The following SYTL3 variants were observed in gnomAD, a reference collection of about 807,000 sequenced individuals.
The protein encoded by SYTL3 is synaptotagmin-like protein 3.
Under a neutral mutation model 82.1 loss-of-function variants are expected in SYTL3, and 88 were observed. The ratio of observed to expected loss-of-function variants is 1.07; its 90% CI spans 0.90 to 1.28. SYTL3 has a LOEUF of 1.28. Ranked by LOEUF, SYTL3 falls within the 50% of genes most tolerant of loss-of-function variation. The probability of loss-of-function intolerance (pLI) is 0.00; values close to 1 mark genes in which losing one functional copy is unlikely to be tolerated. For missense variants in SYTL3, 831 were observed against 757.6 expected (o/e 1.10, Z -1.14); for synonymous variants, 311 against 289.4 (o/e 1.07, Z -0.76).
At chr6:158,703,251 G>A (rs552800134) in intron 6 of SYTL3, among the ~76,000 whole-genome samples, 123 of 151,846 alleles carry the variant, frequency 8.1e-4, no homozygotes, top group African/African-American at 2.9e-3. Context: ...TGGCAGACAC[G>A]GCTGCCAACC....
rs1240161801 is a variant in SYTL3, at chr6:158,707,236, A to C, written c.401A>C (p.His134Pro). The change falls in exon 7 of 18, where the codon CAT (histidine) becomes CCT (proline). Residue 134 changes from histidine to proline, a missense_variant. Coordinates refer to ENST00000611299, the MANE Select transcript of SYTL3 (RefSeq NM_001242394.2). Reference protein sequence around the residue: ...RAKKFPTGGKHETVGGQLLQS... With the variant: ...RAKKFPTGGKPETVGGQLLQS... The stretch of plus-strand genomic sequence containing the variant: ...CTATGGATATCTCTCGCAGGCAAAC[A>C]TGAGACAGTTGGAGGGCAGCTCTTG... 1 of 1,613,984 alleles carries C rather than the reference A, an allele frequency of 6.2e-7. No individual in the cohort carries two copies. The highest frequency in any genetic ancestry group is 1.7e-5 in the Admixed American group (1 of 60,026).
rs1784610746 is a variant in SYTL3 at position 158,725,500 on chromosome 6, CAGA to C, written c.721_723del (p.Lys241del). On this transcript the variant is annotated splice_acceptor_variant and coding_sequence_variant, in exon 11 of 18. Coordinates refer to ENST00000611299, the MANE Select transcript of SYTL3 (RefSeq NM_001242394.2). LOFTEE classifies it high-confidence loss of function. ...ATATTAATTTCTGTTTTTCCTTCTC[CAGA>C]AGGTCAGTGCACCAGATATTCTGAA... 3 of 1,612,528 alleles carry C rather than the reference CAGA, an allele frequency of 1.9e-6. No homozygotes were observed. The African/African-American group carries it at 4.0e-5, about 22-fold the overall frequency.
chr6:158,760,981 G>A (rs558286720), intron 15 of SYTL3, among the ~76,000 whole-genome samples: 2 of 152,110 alleles, frequency 1.3e-5, no homozygotes, highest in Admixed American at 6.5e-5. Context: ...CCCTCTCTAC[G>A]CTCCTCTAAG....
At chr6:158,737,537 T>G (rs1274910512) in intron 11 of SYTL3, among the ~76,000 whole-genome samples, 1 of 152,222 alleles carries the variant, frequency 6.6e-6, no homozygotes, top group African/African-American at 2.4e-5. Flanking sequence ...GCCTTGAGTT[T>G]TTCCTTTGCC....
At chr6:158,689,182 TGGC>T (rs1264717593) in intron 6 of SYTL3, among the ~76,000 whole-genome samples, 2 of 152,240 alleles carry the variant, frequency 1.3e-5, no homozygotes, top group African/African-American at 4.8e-5. Context: ...GATATCTTTT[TGGC>T]ACATCTCTGA....
chr6:158,723,148 G>A (rs936369123), intron 10 of SYTL3, among the ~76,000 whole-genome samples: 7 of 139,918 alleles, frequency 5.0e-5, no homozygotes, highest in African/African-American at 1.9e-4. Flanking sequence ...AGGCTGGAGT[G>A]CAGTGTCATG....
At chr6:158,737,277 C>T (rs118002511) in intron 11 of SYTL3, among the ~76,000 whole-genome samples, 1,971 of 152,318 alleles carry the variant, frequency 0.013, 18 homozygotes, top group Non-Finnish European at 0.02. Context: ...CAAGATCACA[C>T]AGCCACTAAG....
intron 11 of SYTL3, among the ~76,000 whole-genome samples, chr6:158,729,869 G>GT (rs201402477): frequency 8.5e-4 from 110 of 129,816 alleles, no homozygotes; most frequent in African/African-American, 1.1e-3. Flanking sequence ...CCCGGCCAAC[G>GT]TTTTTTTTTT....
intron 6 of SYTL3, among the ~76,000 whole-genome samples, chr6:158,699,414 G>A (rs1170593670): frequency 6.6e-6 from 1 of 152,144 alleles, no homozygotes; most frequent in Non-Finnish European, 1.5e-5. Context: ...GATTTGTATC[G>A]GTAGCTGAAA....
intron 5 of SYTL3, among the ~76,000 whole-genome samples, chr6:158,671,036 T>C (rs985019337): frequency 1.4e-4 from 22 of 151,962 alleles, no homozygotes; most frequent in African/African-American, 5.1e-4. Context: ...GATCTCCTGA[T>C]CTAGTGTTCC....
intron 6 of SYTL3, among the ~76,000 whole-genome samples, chr6:158,689,282 A>G (rs534322772): frequency 2.6e-5 from 4 of 151,358 alleles, no homozygotes; most frequent in Non-Finnish European, 5.9e-5. Flanking sequence ...ATAAACCAAC[A>G]TGCAAACCAA....
rs1016879230 is a variant in SYTL3 at position 158,716,659 on chromosome 6, A to G, written c.596-1428A>G. ...CCCCAGCCGTTCCCTCTTTAGATGA[A>G]AGAGATACTGCAAGACTCATTCTTG... is the stretch of plus-strand genomic sequence containing the variant. On this transcript the variant is annotated intron_variant, in intron 9 of 17. Transcript: ENST00000611299. Among the ~76,000 whole-genome samples the G allele has an allele frequency of 6.5e-4, 99 of 152,176 alleles. 1 individual carries two copies. Among genetic ancestry groups the G allele is most frequent in the Non-Finnish European group, 1.4e-3 (93 of 68,034 alleles).
At chr6:158,743,144 G>T (rs1787152691) in intron 11 of SYTL3, among the ~76,000 whole-genome samples, 1 of 152,108 alleles carries the variant, frequency 6.6e-6, no homozygotes, top group Non-Finnish European at 1.5e-5. Context: ...CCAGCCCTTG[G>T]ACGTGCAGCG....
At chr6:158,761,481 T>C (rs1359187334) in intron 15 of SYTL3, among the ~76,000 whole-genome samples, 1 of 151,882 alleles carries the variant, frequency 6.6e-6, no homozygotes, top group East Asian at 1.9e-4. Context: ...TTTTTGTTTT[T>C]TTTCTTTAAG....
upstream of SYTL3, among the ~76,000 whole-genome samples, chr6:158,646,896 C>A (rs1177102859): frequency 6.6e-6 from 1 of 152,186 alleles, no homozygotes; most frequent in Non-Finnish European, 1.5e-5. Context: ...TGGTTCCAAG[C>A]TCTTGGCCCC....
At chr6:158,750,558 G>A (rs750688576) in intron 12 of SYTL3, among the ~76,000 whole-genome samples, 10 of 152,148 alleles carry the variant, frequency 6.6e-5, no homozygotes, top group Admixed American at 3.3e-4. Flanking sequence ...TTGCTTTGCC[G>A]TCTAGGCTGG....
chr6:158,707,632 C>T (rs1296914243), intron 7 of SYTL3, among the ~76,000 whole-genome samples: 1 of 152,208 alleles, frequency 6.6e-6, no homozygotes, highest in African/African-American at 2.4e-5. Context: ...ATCTCTAACA[C>T]CCTACCCAGC....
At chr6:158,674,233 T>G (rs1014135864) in intron 5 of SYTL3, among the ~76,000 whole-genome samples, 2 of 152,162 alleles carry the variant, frequency 1.3e-5, no homozygotes, top group African/African-American at 4.8e-5. Context: ...CTTTCTAGCC[T>G]GCCATTTCTG....
intron 10 of SYTL3, among the ~76,000 whole-genome samples, chr6:158,721,063 G>C (rs564934883): frequency 6.6e-6 from 1 of 152,206 alleles, no homozygotes; most frequent in Admixed American, 6.5e-5. Context: ...GTGGGGTGCA[G>C]GGGAGACGGT....
Sources: gnomAD v4.1 joint callset for allele counts (sites outside exome capture counted in the v4.1 genomes callset) on GRCh38, gnomAD v4.1.1 for gene constraint, MANE v1.5 for transcripts, NCBI Gene and HGNC (gene_info 2026-07-23, HGNC 2026-07-21) for gene names.